Variants in CFAP47 observed in about 807,000 individuals in gnomAD.
CFAP47 encodes cilia and flagella associated protein 47, also known as cilia- and flagella-associated protein 47.
A neutral mutation model predicts 148.1 loss-of-function variants in CFAP47; 29 were observed. That is an observed-to-expected ratio of 0.20 (90% CI 0.15 to 0.27). The LOEUF (loss-of-function observed/expected upper bound fraction) is 0.27. Among genes scored for constraint, CFAP47 ranks in the 10% least tolerant of loss-of-function variants. The pLI, the probability that CFAP47 is intolerant of heterozygous loss-of-function variation, is 1.00. For synonymous variants in CFAP47, 664 were observed against 577.3 expected, an observed-to-expected ratio of 1.15 and a Z score of -2.15; for missense variants, 1,872 against 1,697.5, an observed-to-expected ratio of 1.10 and a Z score of -1.81.
chrX:36,372,360 G>A (rs376446318), intron 62 of CFAP47, among the ~76,000 whole-genome samples: 5 of 111,428 alleles, frequency 4.5e-5, no homozygotes, highest in South Asian at 7.4e-4. Context: ...ATATTCTGAC[G>A]TAGTATAGTA....
At chrX:36,073,585 T>C (rs1466842944) in intron 29 of CFAP47, among the ~76,000 whole-genome samples, 1 of 111,125 alleles carries the variant, frequency 9.0e-6, no homozygotes, top group Non-Finnish European at 1.9e-5. Context: ...CTTTTAAATA[T>C]CTGATAATTT....
chrX:36,251,376 C>T lies in CFAP47; in HGVS notation c.7376C>T (p.Thr2459Ile), dbSNP rs1324094188. Reference protein sequence around the residue: ...LPIVWGNPQITVYPYKEILYL... With the variant: ...LPIVWGNPQIIVYPYKEILYL... ...ATAGTGTGGGGAAATCCACAAATTACAGTATACCCTTATAAAGAAATTCTG... is the reference window on the plus strand; with the variant it reads ...ATAGTGTGGGGAAATCCACAAATTATAGTATACCCTTATAAAGAAATTCTG... Residue 2459 changes from threonine (T) to isoleucine (I), a missense_variant, in exon 49 of 64, where the codon ACA becomes ATA. Transcript: ENST00000378653. 5 of 506,086 alleles carry T rather than the reference C, an allele frequency of 9.9e-6. No individual in the cohort carries two copies. The highest frequency in any genetic ancestry group is 3.7e-5 in the East Asian group (1 of 27,284). The allele number at this position is 506,086 out of a possible 1,213,427, so 41.7% of individuals were successfully genotyped here.
At chrX:36,208,373 G>A (rs782725240) in intron 45 of CFAP47, among the ~76,000 whole-genome samples, 3 of 110,247 alleles carry the variant, frequency 2.7e-5, no homozygotes, top group Admixed American at 9.7e-5. Context: ...AGAACCACCC[G>A]TGTATACTCA....
chrX:35,999,006 A>G (rs1240893447), intron 19 of CFAP47, among the ~76,000 whole-genome samples: 1 of 111,382 alleles, frequency 9.0e-6, no homozygotes, highest in Non-Finnish European at 1.9e-5. Flanking sequence ...ACATCACTAG[A>G]TATTTTTAGC....
intron 29 of CFAP47, among the ~76,000 whole-genome samples, chrX:36,077,286 T>A (rs1378637760): frequency 9.7e-6 from 1 of 103,182 alleles, no homozygotes; most frequent in African/African-American, 3.5e-5. Flanking sequence ...AGAAAAGTTT[T>A]TTTTTATAAT....
rs782636569 is a variant in CFAP47, at chrX:36,348,695, G to A, written c.8603+407G>A. Among the ~76,000 whole-genome samples the A allele has an allele frequency of 1.1e-3, 124 of 110,994 alleles. 1 individual carries two copies. Among genetic ancestry groups the A allele is most frequent in the African/African-American group, 3.8e-3 (115 of 30,586 alleles). On this transcript the variant is annotated intron_variant, in intron 58 of 63. Coordinates refer to ENST00000378653, the MANE Select transcript of CFAP47 (RefSeq NM_001304548.2). ...CTGAGTGAAGTGAATTCATGATACT[G>A]GAATTCACACTGTGCCAGGTGGATA... is the stretch of plus-strand genomic sequence containing the variant.
chrX:35,957,508 ACTCT>A (rs1477795124), intron 8 of CFAP47, among the ~76,000 whole-genome samples: 1 of 111,631 alleles, frequency 9.0e-6, no homozygotes, highest in Admixed American at 9.5e-5. Flanking sequence ...CATTAGTATG[ACTCT>A]CTCCCTCCAA....
At chrX:36,086,558 C>T (rs1431082416) in intron 30 of CFAP47, among the ~76,000 whole-genome samples, 7 of 111,904 alleles carry the variant, frequency 6.3e-5, no homozygotes, top group Admixed American at 1.9e-4. Flanking sequence ...ACTCTTATAG[C>T]AGGAATACAA....
intron 27 of CFAP47, 149 bp downstream of exon 27, chrX:36,065,892 T>C: frequency 2.5e-6 from 1 of 398,712 alleles, no homozygotes; most frequent in Non-Finnish European, 4.4e-6. Context: ...GTAGAATCTG[T>C]ATGTCTCTTA....
At position 36,219,873 on chromosome X, in the gene CFAP47, C is replaced by A. The variant is rs1555990576; in HGVS notation, c.6818-8755C>A. ...TGTATAAAACCAAGTTGTGCCCCGA[C>A]CACCTTGAGCACATGTTGTCAGGAC... On this transcript the variant is annotated intron_variant, in intron 45 of 63. Coordinates refer to ENST00000378653, the MANE Select transcript of CFAP47 (RefSeq NM_001304548.2). 2.7e-5 allele frequency among the ~76,000 whole-genome samples: 3 copies of A among 111,543 alleles called. No individual in the cohort carries two copies. In the East Asian group the frequency reaches 8.5e-4, roughly 32 times the overall value.
intron 60 of CFAP47, among the ~76,000 whole-genome samples, chrX:36,360,123 T>C (rs1346363378): frequency 8.9e-6 from 1 of 111,944 alleles, no homozygotes; most frequent in Admixed American, 9.5e-5. Flanking sequence ...TGTCCTTCAA[T>C]GTTTCTGTTG....
chrX:35,955,533 A>G (rs887807385), intron 7 of CFAP47, among the ~76,000 whole-genome samples: 10 of 111,553 alleles, frequency 9.0e-5, no homozygotes, highest in African/African-American at 3.3e-4. Flanking sequence ...CTAGATTTTC[A>G]CATTTTTTTC....
intron 48 of CFAP47, among the ~76,000 whole-genome samples, chrX:36,243,608 G>A (rs1479482439): frequency 1.1e-5 from 1 of 90,865 alleles, no homozygotes; most frequent in Non-Finnish European, 2.2e-5. Context: ...TATGATAAAG[G>A]GTGCAAGTCA....
At chrX:35,930,756 T>A (rs1418519978) in intron 2 of CFAP47, among the ~76,000 whole-genome samples, 1 of 111,997 alleles carries the variant, frequency 8.9e-6, no homozygotes, top group African/African-American at 3.2e-5. Context: ...TGATTATTTT[T>A]AAATAAATAA....
At chrX:36,214,568 C>T (rs1940139149) in intron 45 of CFAP47, among the ~76,000 whole-genome samples, 1 of 111,381 alleles carries the variant, frequency 9.0e-6, no homozygotes, top group African/African-American at 3.3e-5. Context: ...TGTAGCTGTA[C>T]AAAAATATTT....
intron 39 of CFAP47, among the ~76,000 whole-genome samples, chrX:36,176,228 A>T: frequency 9.0e-6 from 1 of 111,025 alleles, no homozygotes; most frequent in Non-Finnish European, 1.9e-5. Context: ...TGAACCCCGT[A>T]CCTCAGATGG....
chrX:35,983,388 C>G (rs935190374), intron 15 of CFAP47, among the ~76,000 whole-genome samples: 1 of 111,911 alleles, frequency 8.9e-6, no homozygotes, highest in Admixed American at 9.5e-5. Flanking sequence ...ATCATATCAT[C>G]TAAAAACAGA....
At chrX:35,997,268 AT>A (rs1024333398) in intron 18 of CFAP47, 43 bp from the exon 19 acceptor site, 2 of 290,710 alleles carry the variant, frequency 6.9e-6, no homozygotes, top group Non-Finnish European at 1.2e-5. Context: ...TTATGATTAT[AT>A]TTTAATGTGG....
At chrX:35,954,725 A>G (rs1397491021) in intron 7 of CFAP47, among the ~76,000 whole-genome samples, 2 of 112,104 alleles carry the variant, frequency 1.8e-5, no homozygotes, top group Non-Finnish European at 3.8e-5. Flanking sequence ...TTCTTCTGTT[A>G]TCATCTTTCT....
Sources: allele counts gnomAD v4.1 joint callset (sites outside exome capture counted in the v4.1 genomes callset), GRCh38; gene constraint gnomAD v4.1.1; transcripts MANE v1.5; gene names NCBI Gene and HGNC (gene_info 2026-07-23, HGNC 2026-07-21).